Variants in TRPC4 observed in about 807,000 individuals in gnomAD.
TRPC4 encodes the protein transient receptor potential cation channel subfamily C member 4.
Under a neutral mutation model 99.4 loss-of-function variants are expected in TRPC4, and 49 were observed. That is an observed-to-expected ratio of 0.49 (90% CI 0.39 to 0.63). TRPC4 has a LOEUF of 0.63. TRPC4 is among the 20% of genes least tolerant of loss of function. The probability of loss-of-function intolerance (pLI) is 0.00; values close to 1 mark genes in which losing one functional copy is unlikely to be tolerated. For synonymous variants in TRPC4, 454 were observed against 425.9 expected (o/e 1.07, Z -0.81); for missense variants, 898 against 1,152.9 (o/e 0.78, Z 3.20).
chr13:37,639,821 G>A (rs903961715), intron 8 of TRPC4, among the ~76,000 whole-genome samples: 19 of 150,760 alleles, frequency 1.3e-4, no homozygotes, highest in Middle Eastern at 3.4e-3. Context: ...TGGATTTAAC[G>A]GAATAAATAA....
chr13:37,843,557 A>T (rs560817437), intron 1 of TRPC4, among the ~76,000 whole-genome samples: 1 of 152,272 alleles, frequency 6.6e-6, no homozygotes, highest in Admixed American at 6.5e-5. Flanking sequence ...TCTTTACAAA[A>T]TACTCAAGAA....
chr13:37,692,876 G>A (rs904206604), intron 3 of TRPC4, among the ~76,000 whole-genome samples: 1 of 152,022 alleles, frequency 6.6e-6, no homozygotes, highest in African/African-American at 2.4e-5. Context: ...CTTTTAATTG[G>A]GTTGAGGCAA....
At chr13:37,869,429 A>G (rs1337601) in intron 1 of TRPC4, among the ~76,000 whole-genome samples, 166 bp downstream of exon 1, 99,175 of 152,008 alleles carry the variant, frequency 0.65, 32,562 homozygotes, top group Admixed American at 0.72. Flanking sequence ...AGCCTTGAAG[A>G]GAAACCACAT....
rs78644751 is a variant in TRPC4 at position 37,798,707 on chromosome 13, G to A, written c.-27-15347C>T. Among the ~76,000 whole-genome samples, 1,184 of 152,082 alleles carry A rather than the reference G, an allele frequency of 7.8e-3. 16 individuals carry two copies. In the East Asian group the frequency reaches 0.091, roughly 12 times the overall value. ...CTTACTTTAAACCAGATCTCATTAC[G>A]TATTCTCATTACAACCTGCTGAAAC... On this transcript the variant is annotated intron_variant, in intron 1 of 10. Coordinates refer to ENST00000379705, the MANE Select transcript of TRPC4 (RefSeq NM_016179.4).
chr13:37,687,067 C>T (rs529529333), intron 4 of TRPC4, among the ~76,000 whole-genome samples: 7 of 152,016 alleles, frequency 4.6e-5, no homozygotes, highest in Admixed American at 1.3e-4. Context: ...CAGGTTCAAG[C>T]GATTCTCCTG....
chr13:37,791,914 G>A (rs1239434071), intron 1 of TRPC4, among the ~76,000 whole-genome samples: 1 of 152,184 alleles, frequency 6.6e-6, no homozygotes, highest in Non-Finnish European at 1.5e-5. Flanking sequence ...GTTGGCAGGA[G>A]TGCGATGACT....
At chr13:37,696,915 T>TA (rs1411124433) in intron 3 of TRPC4, among the ~76,000 whole-genome samples, 4 of 117,216 alleles carry the variant, frequency 3.4e-5, no homozygotes, top group African/African-American at 1.4e-4. Flanking sequence ...AGCTGAAACA[T>TA]CTTTTTTTTT....
At chr13:37,750,325 G>T (rs1955899573) in intron 2 of TRPC4, among the ~76,000 whole-genome samples, 1 of 152,020 alleles carries the variant, frequency 6.6e-6, no homozygotes, top group Non-Finnish European at 1.5e-5. Context: ...CATGTATGTT[G>T]ATTTTGTTTC....
chr13:37,757,878 T>C (rs12874536), intron 2 of TRPC4, among the ~76,000 whole-genome samples: 97,208 of 151,820 alleles, frequency 0.64, 31,593 homozygotes, highest in Middle Eastern at 0.71. Flanking sequence ...CAATTATGTA[T>C]GATTAAATAT....
intron 5 of TRPC4, among the ~76,000 whole-genome samples, chr13:37,672,698 A>G (rs955518828): frequency 1.4e-4 from 21 of 152,226 alleles, no homozygotes; most frequent in African/African-American, 5.1e-4. Flanking sequence ...CTGGAGAGCT[A>G]GGCGCTTAAT....
intron 4 of TRPC4, among the ~76,000 whole-genome samples, chr13:37,679,222 C>T (rs974470253): frequency 3.9e-5 from 6 of 152,100 alleles, no homozygotes; most frequent in East Asian, 3.9e-4. Flanking sequence ...ATATCAGGGC[C>T]GTAGTTTGCT....
chr13:37,766,533 A>G (rs1337848987), intron 2 of TRPC4, among the ~76,000 whole-genome samples: 1 of 151,482 alleles, frequency 6.6e-6, no homozygotes, highest in Non-Finnish European at 1.5e-5. Flanking sequence ...CATGGATAAT[A>G]TATCCTGGTG....
In TRPC4 at chr13:37,743,187, T is replaced by C. The variant is rs559363729; in HGVS notation, c.897+2750A>G. Among the ~76,000 whole-genome samples the C allele has an allele frequency of 1.0e-3, 157 of 152,258 alleles. 1 individual carries two copies. The highest frequency in any genetic ancestry group is 3.8e-3 in the African/African-American group (156 of 41,566). On this transcript the variant is annotated intron_variant, in intron 3 of 10. Coordinates refer to ENST00000379705, the MANE Select transcript of TRPC4 (RefSeq NM_016179.4). ...GCCTGGGCAACATAGCAAGACCCCA[T>C]ATCTACAAGAAAAGTGTCTTTTAAA...
intron 3 of TRPC4, among the ~76,000 whole-genome samples, chr13:37,723,182 G>C (rs1422778634): frequency 6.6e-6 from 1 of 152,006 alleles, no homozygotes; most frequent in Non-Finnish European, 1.5e-5. Context: ...TTATAAAAAA[G>C]GGAGATATTT....
chr13:37,756,278 G>GAAT (rs199714627), intron 2 of TRPC4, among the ~76,000 whole-genome samples: 1 of 152,034 alleles, frequency 6.6e-6, no homozygotes. Flanking sequence ...ATGAATGGAT[G>GAAT]GATGGATGAA....
intron 1 of TRPC4, among the ~76,000 whole-genome samples, chr13:37,812,992 T>C (rs1957747576): frequency 1.3e-5 from 2 of 151,682 alleles, no homozygotes; most frequent in Admixed American, 6.6e-5. Flanking sequence ...ACAGCAACTC[T>C]AAAATATTGA....
intron 1 of TRPC4, among the ~76,000 whole-genome samples, chr13:37,827,304 C>T (rs1014397372): frequency 6.6e-6 from 1 of 152,174 alleles, no homozygotes; most frequent in Non-Finnish European, 1.5e-5. Flanking sequence ...AGCTTTGTTC[C>T]ATTGCTGGTG....
At chr13:37,688,689 CAAATAAA>C (rs1226829609) in intron 4 of TRPC4, among the ~76,000 whole-genome samples, 1 of 151,962 alleles carries the variant, frequency 6.6e-6, no homozygotes, top group African/African-American at 2.4e-5. Flanking sequence ...GAATTTAGTA[CAAATAAA>C]AAAGTATTAC....
intron 4 of TRPC4, among the ~76,000 whole-genome samples, chr13:37,681,682 T>C (rs1566092170): frequency 1.3e-5 from 2 of 152,176 alleles, no homozygotes; most frequent in South Asian, 2.1e-4. Flanking sequence ...AAATTATCCA[T>C]GGTAACTAAA....
Sources: gnomAD v4.1 joint callset for allele counts (sites outside exome capture counted in the v4.1 genomes callset) on GRCh38, gnomAD v4.1.1 for gene constraint, MANE v1.5 for transcripts, NCBI Gene and HGNC (gene_info 2026-07-23, HGNC 2026-07-21) for gene names.